FHIP1B: variants seen among roughly 807,000 people sequenced by gnomAD.
FHIP1B encodes FHF complex subunit HOOK-interacting protein 1B.
In FHIP1B, 28 loss-of-function variants were observed where a neutral mutation model predicts 82.2. The observed-to-expected ratio is 0.34, with a 90% CI of 0.25 to 0.47. FHIP1B has a LOEUF of 0.47. Ranked by LOEUF, FHIP1B falls within the 20% of genes least tolerant of loss-of-function variation. The pLI is 1.00. For synonymous variants in FHIP1B, 585 were observed against 516.1 expected (o/e 1.13, Z -1.81); for missense variants, 1,110 against 1,262.6 (o/e 0.88, Z 1.83).
intron 1 of FHIP1B, among the ~76,000 whole-genome samples, chr11:6,231,457 A>G (rs1275696469): frequency 1.3e-5 from 2 of 149,588 alleles, no homozygotes; most frequent in African/African-American, 4.9e-5. Context: ...TCAACTCATT[A>G]TGATATATTT....
intron 6 of FHIP1B, among the ~76,000 whole-genome samples, chr11:6,221,448 T>C (rs985746330): frequency 2.6e-5 from 4 of 152,208 alleles, no homozygotes; most frequent in Admixed American, 6.5e-5. Flanking sequence ...TAAGTCTTTA[T>C]AACTTGGAAA....
At position 6,217,718 on chromosome 11, in the gene FHIP1B, G is replaced by A. The variant is rs1847278173; in HGVS notation, c.1868C>T (p.Ala623Val). 1 of 1,605,788 alleles carries A rather than the reference G, an allele frequency of 6.2e-7. No homozygotes were observed. Among genetic ancestry groups the A allele is most frequent in the East Asian group, 2.2e-5 (1 of 44,660 alleles). The part of the protein sequence containing the change: ...ELGRRGRAGG[A>V]GEGPGHLPPP... ...GGGCAGGTGACCAGGGCCCTCCCCT[G>A]CACCCCCAGCCCGCCCCCTCCTCCC... The change falls in exon 9 of 12, where the codon GCA becomes GTA. Residue 623 changes from alanine (A) to valine (V), a missense_variant. Ala to Val is a moderately conservative substitution (Grantham distance 64). Transcript: ENST00000449352.
intron 11 of FHIP1B, among the ~76,000 whole-genome samples, chr11:6,213,124 A>G (rs1282116882): frequency 6.6e-6 from 1 of 152,208 alleles, no homozygotes; most frequent in Non-Finnish European, 1.5e-5. Context: ...CAGCACCAGA[A>G]CTGTAGAAGG....
In FHIP1B at chr11:6,217,221, C is replaced by CA. The variant is rs910420559; in HGVS notation, c.2215+149dup. ...ACACAGGGACACAAGTATGACATGA[C>CA]ACGTATCTGGAAGTGATGCAAGCAG... On this transcript the variant is annotated intron_variant, in intron 9 of 11. Coordinates refer to ENST00000449352, the MANE Select transcript of FHIP1B (RefSeq NM_001098794.2). The CA allele has an allele frequency of 6.8e-6, 5 of 739,882 alleles. No homozygotes were observed. The African/African-American group carries it at 8.6e-5, about 13-fold the overall frequency. 45.8% of individuals were successfully genotyped at this position (739,882 alleles called of 1,614,324 possible). A position where few individuals can be genotyped will look rare whatever the true frequency, so the allele number is the denominator to read the frequency against.
intron 7 of FHIP1B, 65 bp from the exon 8 acceptor site, chr11:6,218,828 C>A: frequency 6.3e-7 from 1 of 1,590,664 alleles, no homozygotes. Context: ...CCTAGAGGAA[C>A]ATCAGGCCAA....
At chr11:6,231,222 A>G (rs1221792625) in intron 1 of FHIP1B, among the ~76,000 whole-genome samples, 2 of 152,206 alleles carry the variant, frequency 1.3e-5, no homozygotes, top group African/African-American at 4.8e-5. Flanking sequence ...GATTCTAGCA[A>G]ATGATTGAAT....
chr11:6,224,245 C>G lies in FHIP1B; in HGVS notation c.142G>C (p.Val48Leu), dbSNP rs762157311. 1.2e-6 allele frequency: 2 copies of G among 1,610,232 alleles called. No individual in the cohort carries two copies. Among genetic ancestry groups the G allele is most frequent in the South Asian group, 2.2e-5 (2 of 90,718 alleles). The change falls in exon 3 of 12, where the codon GTG becomes CTG. Residue 48 changes from valine to leucine, a missense_variant. Coordinates refer to ENST00000449352, the MANE Select transcript of FHIP1B (RefSeq NM_001098794.2). Reference protein sequence around the residue: ...MVFKNHWSQVVRILERQGPRA... With the variant: ...MVFKNHWSQVLRILERQGPRA... ...GGGCCTTGCCGCTCCAGGATTCGCACCACCTAGGGAAAAAGGACAGAAGAT... is the reference window on the plus strand; with the variant it reads ...GGGCCTTGCCGCTCCAGGATTCGCAGCACCTAGGGAAAAAGGACAGAAGAT...
chr11:6,232,402 T>G (rs1315184300), intron 1 of FHIP1B, among the ~76,000 whole-genome samples: 1 of 152,238 alleles, frequency 6.6e-6, no homozygotes, highest in Non-Finnish European at 1.5e-5. Flanking sequence ...CATCCCTATG[T>G]CACTCTCACA....
At position 6,214,436 on chromosome 11, in the gene FHIP1B, A is replaced by G; in HGVS notation, c.2532T>C (p.Pro844=). Residue 844 remains proline, a synonymous_variant, in exon 11 of 12, where the codon CCT becomes CCC. Transcript: ENST00000449352. ...LDWAEGPAAG[P]APRRSDPLVK... ...CTAGGGGATCAGAACGGCGTGGGGC[A>G]GGTCCTGCTGCAGGGCCCTCAGCCC... The G allele has an allele frequency of 6.2e-7, 1 of 1,613,086 alleles. No homozygotes were observed. The highest frequency in any genetic ancestry group is 8.5e-7 in the Non-Finnish European group (1 of 1,179,600).
At chr11:6,219,420 T>C (rs567402629) in intron 6 of FHIP1B, among the ~76,000 whole-genome samples, 13 of 152,242 alleles carry the variant, frequency 8.5e-5, no homozygotes, top group Admixed American at 5.2e-4. Flanking sequence ...AACAGAAACA[T>C]GGTAATTAAG....
Position 6,224,538 on chromosome 11 carries a change from G to A in FHIP1B, c.-22C>T. Reference sequence around the variant, plus strand: ...CCATGAGGCAGGCTGGGCAGGACTGGCAGCCAGAGGCCTACACTCTGAGGA... The same window carrying A: ...CCATGAGGCAGGCTGGGCAGGACTGACAGCCAGAGGCCTACACTCTGAGGA... On this transcript the variant is annotated 5_prime_UTR_variant, in exon 2 of 12. Coordinates refer to ENST00000449352, the MANE Select transcript of FHIP1B (RefSeq NM_001098794.2). The A allele has an allele frequency of 6.3e-7, 1 of 1,591,492 alleles. No homozygotes were observed. Among genetic ancestry groups the A allele is most frequent in the Non-Finnish European group, 8.5e-7 (1 of 1,170,492 alleles).
chr11:6,224,322 A>C, intron 2 of FHIP1B, 57 bp downstream of exon 2: 1 of 1,614,188 alleles, frequency 6.2e-7, no homozygotes, highest in Admixed American at 1.7e-5. Flanking sequence ...AGAATATAGA[A>C]GGCTGGGAGA....
At chr11:6,215,538 G>A (rs1490270575) in intron 9 of FHIP1B, among the ~76,000 whole-genome samples, 1 of 152,202 alleles carries the variant, frequency 6.6e-6, no homozygotes, top group Non-Finnish European at 1.5e-5. Flanking sequence ...GTAACTATGT[G>A]AGCCAATTTA....
chr11:6,220,485 C>T (rs1447575969), intron 6 of FHIP1B, among the ~76,000 whole-genome samples: 1 of 152,074 alleles, frequency 6.6e-6, no homozygotes, highest in African/African-American at 2.4e-5. Flanking sequence ...GACAGCAATA[C>T]GGAATTAACA....
intron 1 of FHIP1B, among the ~76,000 whole-genome samples, chr11:6,230,285 G>A (rs1831301608): frequency 6.6e-6 from 1 of 152,198 alleles, no homozygotes; most frequent in South Asian, 2.1e-4. Context: ...AGACCAAAAT[G>A]ATCTTCCAAG....
intron 10 of FHIP1B, 47 bp downstream of exon 10, chr11:6,214,686 G>T (rs765096455): frequency 7.3e-5 from 112 of 1,544,684 alleles, no homozygotes; most frequent in Non-Finnish European, 9.3e-5. Context: ...TGCGGGCCTG[G>T]CCCACCACGG....
chr11:6,225,769 G>A (rs952230375), intron 1 of FHIP1B, among the ~76,000 whole-genome samples: 1 of 152,106 alleles, frequency 6.6e-6, no homozygotes, highest in Middle Eastern at 3.2e-3. Flanking sequence ...AGTGACCTAT[G>A]GGAGATGAGC....
intron 1 of FHIP1B, among the ~76,000 whole-genome samples, chr11:6,230,587 A>C (rs79178398): frequency 0.027 from 4,071 of 152,304 alleles, 63 homozygotes; most frequent in Middle Eastern, 0.037. Flanking sequence ...CCCTCCCCGC[A>C]ATATCACTTC....
intron 6 of FHIP1B, 87 bp downstream of exon 6, chr11:6,222,355 A>G: frequency 1.4e-6 from 2 of 1,449,570 alleles, no homozygotes. Flanking sequence ...TACAGGCAAA[A>G]GAAGGGCAGG....
Sources: gnomAD v4.1 joint callset for allele counts (sites outside exome capture counted in the v4.1 genomes callset) on GRCh38, gnomAD v4.1.1 for gene constraint, MANE v1.5 for transcripts, NCBI Gene and HGNC (gene_info 2026-07-23, HGNC 2026-07-21) for gene names.